Variants in PJA2 observed in about 807,000 individuals in gnomAD.
The protein encoded by PJA2 is E3 ubiquitin-protein ligase Praja-2.
A neutral mutation model predicts 69.3 loss-of-function variants in PJA2; 25 were observed. The ratio of observed to expected loss-of-function variants is 0.36; its 90% confidence interval spans 0.26 to 0.50. The LOEUF (loss-of-function observed/expected upper bound fraction) is 0.50. Among genes scored for constraint, PJA2 ranks in the 20% least tolerant of loss-of-function variants. The probability of loss-of-function intolerance (pLI) is 0.96; values close to 1 mark genes in which losing one functional copy is unlikely to be tolerated. For missense variants in PJA2, 809 were observed against 830.2 expected (o/e 0.97, Z 0.31); for synonymous variants, 308 against 277.8 (o/e 1.11, Z -1.08).
chr5:109,374,792 A>G (rs1228516610), intron 4 of PJA2, among the ~76,000 whole-genome samples: 1 of 152,250 alleles, frequency 6.6e-6, no homozygotes, highest in East Asian at 1.9e-4. Context: ...CAGACAGTAG[A>G]TGGCATGCCT....
At chr5:109,396,833 A>G (rs1422667412) in intron 1 of PJA2, among the ~76,000 whole-genome samples, 1 of 151,862 alleles carries the variant, frequency 6.6e-6, no homozygotes, top group Non-Finnish European at 1.5e-5. Flanking sequence ...TACCAATGAA[A>G]CTAGGAATCT....
chr5:109,354,926 G>A (rs942769655), intron 7 of PJA2, among the ~76,000 whole-genome samples: 1 of 151,698 alleles, frequency 6.6e-6, no homozygotes, highest in Non-Finnish European at 1.5e-5. Flanking sequence ...ACCAGCCTGG[G>A]TAACATAATT....
chr5:109,365,856 A>G (rs1462517059), intron 5 of PJA2, among the ~76,000 whole-genome samples: 1 of 152,184 alleles, frequency 6.6e-6, no homozygotes, highest in Non-Finnish European at 1.5e-5. Flanking sequence ...GCCTAAAGAT[A>G]GCTAAAACTA....
intron 7 of PJA2, among the ~76,000 whole-genome samples, chr5:109,347,901 TTC>T (rs1762194881): frequency 6.6e-6 from 1 of 152,216 alleles, no homozygotes; most frequent in Non-Finnish European, 1.5e-5. Flanking sequence ...ATTACTGTAT[TTC>T]TCTCTCTTGG....
intron 1 of PJA2, among the ~76,000 whole-genome samples, chr5:109,396,618 G>T (rs1747418625): frequency 6.6e-6 from 1 of 150,936 alleles, no homozygotes; most frequent in African/African-American, 2.4e-5. Context: ...GTAGAGACGG[G>T]GTTTCACCAT....
intron 9 of PJA2, among the ~76,000 whole-genome samples, chr5:109,340,325 T>C (rs549486226): frequency 6.6e-6 from 1 of 151,414 alleles, no homozygotes; most frequent in Non-Finnish European, 1.5e-5. Context: ...AGATTTTAAG[T>C]GGAATTTTGA....
rs1239536405 is a variant in PJA2 at position 109,337,199 on chromosome 5, T to G, written c.*32A>C. On this transcript the variant is annotated 3_prime_UTR_variant, in exon 10 of 10. Coordinates refer to ENST00000361189, the MANE Select transcript of PJA2 (RefSeq NM_014819.5). ...TTAGAAGGAATTTGCAGATTTACTT[T>G]GATACACTGATCTCATTTCAACTGT... is the stretch of plus-strand genomic sequence containing the variant. 1 of 1,604,734 alleles carries G rather than the reference T, an allele frequency of 6.2e-7. No homozygotes were observed.
chr5:109,356,482 A>C (rs1762414838), intron 6 of PJA2, among the ~76,000 whole-genome samples: 1 of 152,160 alleles, frequency 6.6e-6, no homozygotes, highest in Non-Finnish European at 1.5e-5. Context: ...AACTGGAAGT[A>C]TATGTAAATA....
rs1337401463 is a variant in PJA2 at position 109,409,966 on chromosome 5, G to A, written c.-212C>T. 1 of 214,164 alleles carries A rather than the reference G, an allele frequency of 4.7e-6. No individual in the cohort carries two copies. Among genetic ancestry groups the A allele is most frequent in the Non-Finnish European group, 9.2e-6 (1 of 108,584 alleles). 13.3% of individuals were successfully genotyped at this position (214,164 alleles called of 1,614,324 possible). A position where few individuals can be genotyped will look rare whatever the true frequency, so the allele number is the denominator to read the frequency against. ...AGCGGCTGGCGGCTGTGGCGGCGGC[G>A]GCGGCGGTGGCGGCGGCGGAAGCAG... On this transcript the variant is annotated 5_prime_UTR_variant, in exon 1 of 10. Coordinates refer to ENST00000361189, the MANE Select transcript of PJA2 (RefSeq NM_014819.5).
At chr5:109,399,288 A>G (rs1398842601) in intron 1 of PJA2, among the ~76,000 whole-genome samples, 1 of 152,146 alleles carries the variant, frequency 6.6e-6, no homozygotes, top group East Asian at 1.9e-4. Flanking sequence ...CCCATACCCA[A>G]AAACAAGAGA....
intron 6 of PJA2, among the ~76,000 whole-genome samples, chr5:109,361,833 G>A (rs1041756054): frequency 6.6e-6 from 1 of 152,176 alleles, no homozygotes; most frequent in Admixed American, 6.5e-5. Context: ...TTTCCCCCTT[G>A]GGGAGTAAGA....
chr5:109,354,169 T>TTATA (rs1762350106), intron 7 of PJA2, among the ~76,000 whole-genome samples: 1 of 140,096 alleles, frequency 7.1e-6, no homozygotes, highest in Non-Finnish European at 1.6e-5. Flanking sequence ...TATCTAGAGA[T>TTATA]GTCTATAGAT....
intron 1 of PJA2, among the ~76,000 whole-genome samples, chr5:109,399,657 A>G (rs1381353084): frequency 6.6e-6 from 1 of 152,188 alleles, no homozygotes; most frequent in Non-Finnish European, 1.5e-5. Context: ...AGACATAAGA[A>G]TTATTTGCCA....
intron 2 of PJA2, among the ~76,000 whole-genome samples, chr5:109,382,428 T>G (rs989071037): frequency 3.3e-5 from 5 of 152,224 alleles, no homozygotes; most frequent in African/African-American, 1.2e-4. Context: ...CAACTTTCAC[T>G]AAGTAGTACA....
chr5:109,396,488 G>A (rs1226604872), intron 1 of PJA2, among the ~76,000 whole-genome samples: 2 of 141,338 alleles, frequency 1.4e-5, no homozygotes, highest in African/African-American at 2.7e-5. Context: ...GTGCAGTGGC[G>A]TGATCTCGGC....
chr5:109,379,206 A>G lies in PJA2; in HGVS notation c.281T>C (p.Ile94Thr). The G allele has an allele frequency of 6.2e-7, 1 of 1,613,926 alleles. No individual in the cohort carries two copies. Among genetic ancestry groups the G allele is most frequent in the Non-Finnish European group, 8.5e-7 (1 of 1,179,950 alleles). ...AATTTCTGTTTCACTTTTTTCAAATATAGGTTCACTGGGTAAAGAAGAATC... is the reference window on the plus strand; with the variant it reads ...AATTTCTGTTTCACTTTTTTCAAATGTAGGTTCACTGGGTAAAGAAGAATC... Reference protein sequence around the residue: ...QVDSSLPSEPIFEKSETEIPT... With the variant: ...QVDSSLPSEPTFEKSETEIPT... Residue 94 changes from isoleucine to threonine, a missense_variant, in exon 4 of 10, where the codon ATA becomes ACA. Around this residue, in one of 4 missense-constraint regions of PJA2, gnomAD observed 700 missense variants for 639.5 expected, o/e 1.09. Transcript: ENST00000361189.
At chr5:109,397,851 G>A (rs1375855353) in intron 1 of PJA2, among the ~76,000 whole-genome samples, 1 of 152,024 alleles carries the variant, frequency 6.6e-6, no homozygotes, top group Admixed American at 6.6e-5. Context: ...ACTAGGGAAG[G>A]GCAGCAATCT....
chr5:109,362,852 T>C lies in PJA2; in HGVS notation c.1640A>G (p.Asp547Gly). 6.2e-7 allele frequency: 1 copy of C among 1,607,952 alleles called. No homozygotes were observed. The highest frequency in any genetic ancestry group is 8.5e-7 in the Non-Finnish European group (1 of 1,175,388). The change falls in exon 6 of 10, where the codon GAT becomes GGT. Residue 547 changes from aspartate (D) to glycine (G), a missense_variant. Transcript: ENST00000361189. ...EDDSSVSEDL[D>G]VDWSLFDGFA... Reference sequence around the variant, plus strand: ...TCGTGCTACATACCTCCAATCCACATCTAAGTCTTCACTCACACTGGAGTC... The same window carrying C: ...TCGTGCTACATACCTCCAATCCACACCTAAGTCTTCACTCACACTGGAGTC...
rs569518830 is a variant in PJA2, at chr5:109,382,854, A to T, written c.31+549T>A. ...CAGTTCGAAACTCCATCTCAAAAAAAAAAAAAAAATGAATAAATGAATGAA... is the reference window on the plus strand; with the variant it reads ...CAGTTCGAAACTCCATCTCAAAAAATAAAAAAAAATGAATAAATGAATGAA... On this transcript the variant is annotated intron_variant, in intron 2 of 9. Transcript: ENST00000361189. Among the ~76,000 whole-genome samples the T allele has an allele frequency of 2.0e-5, 3 of 152,286 alleles. No individual in the cohort carries two copies. The East Asian group carries it at 5.8e-4, about 29-fold the overall frequency.
Sources: allele counts gnomAD v4.1 joint callset (sites outside exome capture counted in the v4.1 genomes callset), GRCh38; gene constraint gnomAD v4.1.1; regional missense constraint gnomAD v4.1.1; transcripts MANE v1.5; gene names NCBI Gene and HGNC (gene_info 2026-07-23, HGNC 2026-07-21).